The following OPA1 variants were observed in gnomAD, a reference collection of about 807,000 sequenced individuals.
The protein encoded by OPA1 is OPA1 mitochondrial dynamin like GTPase.
In OPA1, 59 loss-of-function variants were observed where a neutral mutation model predicts 152.9. The ratio of observed to expected loss-of-function variants is 0.39; its 90% CI spans 0.31 to 0.48. The LOEUF (loss-of-function observed/expected upper bound fraction) is 0.48. OPA1 is among the 20% of genes least tolerant of loss of function. OPA1 has a pLI of 0.96. For missense variants in OPA1, 1,008 were observed against 1,216.8 expected (o/e 0.83, Z 2.55); for synonymous variants, 400 against 389.9 (o/e 1.03, Z -0.31).
At chr3:193,631,575 C>G (rs1196032109) in intron 7 of OPA1, 37 bp from the exon 8 acceptor site, 5 of 1,491,728 alleles carry the variant, frequency 3.4e-6, no homozygotes, top group Admixed American at 3.4e-5. Context: ...CTGTATAAAC[C>G]TAATTCTATT....
intron 1 of OPA1, among the ~76,000 whole-genome samples, chr3:193,611,386 C>T (rs1728212557): frequency 6.6e-6 from 1 of 152,122 alleles, no homozygotes. Context: ...ATCACGAGGT[C>T]AGGAGATCAA....
chr3:193,678,341 A>G lies in OPA1; in HGVS notation c.2983+11061A>G, dbSNP rs1042031802. 4.0e-5 allele frequency among the ~76,000 whole-genome samples: 6 copies of G among 151,678 alleles called. No homozygotes were observed. In the South Asian group the frequency reaches 1.3e-3, roughly 32 times the overall value. On this transcript the variant is annotated intron_variant, in intron 29 of 30. Transcript: ENST00000361510. ...TTTTTTTTTTAACATCCTTTTCATT[A>G]TGAGAGAGCTAGTGTATATGCATTG...
chr3:193,686,593 CTT>C (rs898764350), intron 29 of OPA1, among the ~76,000 whole-genome samples: 29 of 152,070 alleles, frequency 1.9e-4, no homozygotes, highest in African/African-American at 6.5e-4. Flanking sequence ...AGTGTAGTCT[CTT>C]GTTTACCTTT....
chr3:193,663,680 A>T (rs1350892948), intron 26 of OPA1, among the ~76,000 whole-genome samples: 1 of 152,162 alleles, frequency 6.6e-6, no homozygotes. Context: ...ACAAATTTCA[A>T]AGCCACACAA....
intron 26 of OPA1, among the ~76,000 whole-genome samples, chr3:193,663,367 G>C (rs1715754042): frequency 6.6e-6 from 1 of 152,110 alleles, no homozygotes; most frequent in Admixed American, 6.6e-5. Flanking sequence ...TTAGATGTGA[G>C]TGGATTCAGA....
chr3:193,682,419 A>G (rs1277619095), intron 29 of OPA1, among the ~76,000 whole-genome samples: 1 of 152,212 alleles, frequency 6.6e-6, no homozygotes, highest in East Asian at 1.9e-4. Flanking sequence ...ATAATTGATG[A>G]AGGTGATTAT....
chr3:193,678,296 C>T (rs1473975497), intron 29 of OPA1, among the ~76,000 whole-genome samples: 4 of 151,726 alleles, frequency 2.6e-5, no homozygotes, highest in Non-Finnish European at 4.4e-5. Context: ...TACCAAAGTA[C>T]ACTACTGGAA....
At chr3:193,645,238 A>C (rs986916423) in intron 16 of OPA1, among the ~76,000 whole-genome samples, 2 of 152,154 alleles carry the variant, frequency 1.3e-5, no homozygotes, top group African/African-American at 4.8e-5. Context: ...CTTTTTGAAA[A>C]AATTAAGTTG....
In OPA1 at chr3:193,631,618, G is replaced by A; in HGVS notation, c.796G>A (p.Asp266Asn). The part of the protein sequence containing the change: ...SYAQQKRKVS[D>N]KEKIDQLQEE... ...AATTATTTTAAACATTTAGGTGTCA[G>A]ACAAAGAGAAAATTGACCAACTTCA... is the stretch of plus-strand genomic sequence containing the variant. The change falls in exon 8 of 31, where the codon GAC (aspartate) becomes AAC (asparagine). Residue 266 changes from aspartate to asparagine, a missense_variant. By Grantham distance (23) the Asp-to-Asn change is conservative (BLOSUM62 1). Around this residue, in one of 7 missense-constraint regions of OPA1, gnomAD observed 408 missense variants for 395.1 expected, o/e 1.03. Coordinates refer to ENST00000361510, the MANE Select transcript of OPA1 (RefSeq NM_130837.3). 1.2e-6 allele frequency: 2 copies of A among 1,609,772 alleles called. No homozygotes were observed. The highest frequency in any genetic ancestry group is 1.7e-6 in the Non-Finnish European group (2 of 1,176,352).
In OPA1 at chr3:193,618,850, T is replaced by G. The variant is rs3772393; in HGVS notation, c.611-19T>G. 3 of 1,599,554 alleles carry G rather than the reference T, an allele frequency of 1.9e-6. No individual in the cohort carries two copies. The highest frequency in any genetic ancestry group is 2.6e-6 in the Non-Finnish European group (3 of 1,167,078). The stretch of plus-strand genomic sequence containing the variant: ...TGACATCACTGGAGAATGTAAAGGG[T>G]TGCATATTTATCTTTAAGGTTCTCC... On this transcript the variant is annotated intron_variant, in intron 5 of 30. Coordinates refer to ENST00000361510, the MANE Select transcript of OPA1 (RefSeq NM_130837.3).
intron 11 of OPA1, among the ~76,000 whole-genome samples, chr3:193,639,044 G>A (rs910432351): frequency 6.6e-6 from 1 of 152,192 alleles, no homozygotes; most frequent in Non-Finnish European, 1.5e-5. Context: ...AATTGCAAGA[G>A]CAAAGTTACT....
intron 29 of OPA1, among the ~76,000 whole-genome samples, chr3:193,672,791 C>A (rs570548152): frequency 3.5e-4 from 53 of 151,016 alleles, no homozygotes; most frequent in Admixed American, 1.8e-3. Flanking sequence ...ATCGCCTGAA[C>A]CCGGGAGGCA....
At chr3:193,667,526 C>G (rs1477357470) in intron 29 of OPA1, 1 of 439,236 alleles carries the variant, frequency 2.3e-6, no homozygotes, top group Non-Finnish European at 4.4e-6. Flanking sequence ...AAAAACTTAG[C>G]CAGGTGTGGT....
At chr3:193,649,265 C>T (rs993478677) in intron 21 of OPA1, among the ~76,000 whole-genome samples, 2 of 152,102 alleles carry the variant, frequency 1.3e-5, no homozygotes, top group African/African-American at 4.8e-5. Flanking sequence ...CTTTCTGTAA[C>T]ATGTGGTTAA....
intron 29 of OPA1, among the ~76,000 whole-genome samples, chr3:193,690,755 C>T (rs1247679649): frequency 6.6e-6 from 1 of 152,146 alleles, no homozygotes; most frequent in African/African-American, 2.4e-5. Context: ...ATATTAAATG[C>T]ATCTTACATG....
chr3:193,655,757 C>G (rs972246751), intron 22 of OPA1, among the ~76,000 whole-genome samples: 3 of 152,182 alleles, frequency 2.0e-5, no homozygotes, highest in East Asian at 1.9e-4. Flanking sequence ...TGGTCCTCAT[C>G]ATCTGAATTG....
chr3:193,645,491 T>C, intron 16 of OPA1, 62 bp from the exon 17 acceptor site: 1 of 1,263,650 alleles, frequency 7.9e-7, no homozygotes, highest in Non-Finnish European at 1.1e-6. Context: ...AAATTGTATA[T>C]TACGCTTTTA....
chr3:193,596,049 A>G (rs573299930), intron 1 of OPA1, among the ~76,000 whole-genome samples: 1 of 152,282 alleles, frequency 6.6e-6, no homozygotes, highest in South Asian at 2.1e-4. Flanking sequence ...AACATACTGC[A>G]TCTAGAAGCT....
chr3:193,649,112 C>T (rs543319424), intron 21 of OPA1, among the ~76,000 whole-genome samples: 38 of 152,084 alleles, frequency 2.5e-4, no homozygotes, highest in African/African-American at 7.5e-4. Flanking sequence ...CTAATAAATA[C>T]GTAATCATGA....
Sources: allele counts gnomAD v4.1 joint callset (sites outside exome capture counted in the v4.1 genomes callset), GRCh38; gene constraint gnomAD v4.1.1; regional missense constraint gnomAD v4.1.1; transcripts MANE v1.5; gene names NCBI Gene and HGNC (gene_info 2026-07-23, HGNC 2026-07-21).